Variants in MECOM observed in about 807,000 individuals in gnomAD.
MECOM encodes the protein MDS1 and EVI1 complex locus, also known as histone-lysine N-methyltransferase MECOM.
Under a neutral mutation model 116.3 loss-of-function variants are expected in MECOM, and 13 were observed. That is an observed-to-expected ratio of 0.11 (90% CI 0.07 to 0.18). The LOEUF is 0.18. Ranked by LOEUF, MECOM falls within the 10% of genes least tolerant of loss-of-function variation. The pLI is 1.00. For synonymous variants in MECOM, 528 were observed against 535.2 expected (o/e 0.99, Z 0.19); for missense variants, 1,299 against 1,509.0 (o/e 0.86, Z 2.31).
intron 2 of MECOM, among the ~76,000 whole-genome samples, chr3:169,168,337 C>CTTTTTTTTTTTTTT (rs1166736467): frequency 2.8e-5 from 3 of 108,464 alleles, no homozygotes; most frequent in Admixed American, 9.6e-5. Context: ...ACTTGGCCTG[C>CTTTTTTTTTTTTTT]TTTTTTTTTT....
At chr3:169,242,311 C>CT (rs948101508) in intron 2 of MECOM, among the ~76,000 whole-genome samples, 1 of 152,128 alleles carries the variant, frequency 6.6e-6, no homozygotes, top group Non-Finnish European at 1.5e-5. Context: ...GTCCTGGTTT[C>CT]TTTTTGAACA....
At chr3:169,346,759 G>A (rs1197116180) in intron 2 of MECOM, among the ~76,000 whole-genome samples, 1 of 152,040 alleles carries the variant, frequency 6.6e-6, no homozygotes, top group Non-Finnish European at 1.5e-5. Flanking sequence ...ATGCTGGTGT[G>A]TAAGAGTGGG....
At chr3:169,349,352 G>A (rs1725913680) in intron 2 of MECOM, among the ~76,000 whole-genome samples, 1 of 151,728 alleles carries the variant, frequency 6.6e-6, no homozygotes, top group Non-Finnish European at 1.5e-5. Flanking sequence ...TACAAACCTC[G>A]TCTAGTCGGT....
chr3:169,636,883 C>G (rs1339338618), intron 1 of MECOM, among the ~76,000 whole-genome samples: 1 of 152,176 alleles, frequency 6.6e-6, no homozygotes, highest in Non-Finnish European at 1.5e-5. Context: ...GCCTAACACT[C>G]TAGACTGTGA....
chr3:169,423,654 A>T (rs947303313), intron 1 of MECOM, among the ~76,000 whole-genome samples: 9 of 152,264 alleles, frequency 5.9e-5, no homozygotes, highest in African/African-American at 2.2e-4. Flanking sequence ...TTTTCCTAAT[A>T]AGATGCCTTA....
chr3:169,355,119 A>G (rs1207693723), intron 2 of MECOM, among the ~76,000 whole-genome samples: 1 of 151,994 alleles, frequency 6.6e-6, no homozygotes, highest in African/African-American at 2.4e-5. Flanking sequence ...GGCTCACAAT[A>G]GATCTGAGCA....
chr3:169,614,820 C>T (rs920173766), intron 1 of MECOM: 1 of 152,198 alleles, frequency 6.6e-6, no homozygotes, highest in Non-Finnish European at 1.5e-5. Context: ...GCCCACACAC[C>T]CAGTTAAGCT....
rs796548693 is a variant in MECOM at position 169,497,348 on chromosome 3, CT to C, written c.38-115825del. Among the ~76,000 whole-genome samples the C allele has an allele frequency of 2.0e-4, 28 of 138,020 alleles. 1 individual carries two copies. The highest frequency in any genetic ancestry group is 1.3e-3 in the South Asian group (6 of 4,506). 90.5% of individuals were successfully genotyped at this position (138,020 alleles called of 152,430 possible). Reference sequence around the variant, plus strand: ...CTTCAATTTTTCTCTTTTTCTTTTTCTTTTTTTTTTCTTTTGAGATGGAGTC... The same window carrying C: ...CTTCAATTTTTCTCTTTTTCTTTTTCTTTTTTTTTCTTTTGAGATGGAGTC... On this transcript the variant is annotated intron_variant, in intron 1 of 16. Transcript: ENST00000651503.
intron 10 of MECOM, among the ~76,000 whole-genome samples, chr3:169,105,189 T>C (rs1724965848): frequency 6.6e-6 from 1 of 152,180 alleles, no homozygotes; most frequent in Non-Finnish European, 1.5e-5. Flanking sequence ...ATGTGTGCTC[T>C]TATAGCAGTT....
At chr3:169,168,798 A>C (rs2149365292) in intron 2 of MECOM, among the ~76,000 whole-genome samples, 2 of 152,146 alleles carry the variant, frequency 1.3e-5, no homozygotes, top group South Asian at 2.1e-4. Flanking sequence ...CTAGGGGAAA[A>C]ATGCAAATTT....
At chr3:169,458,255 T>A (rs1171896155) in intron 1 of MECOM, among the ~76,000 whole-genome samples, 4 of 152,322 alleles carry the variant, frequency 2.6e-5, no homozygotes, top group African/African-American at 9.6e-5. Flanking sequence ...AAACCAAGAT[T>A]AATGGTATCC....
At position 169,433,675 on chromosome 3, in the gene MECOM, AAGAAAG is replaced by A. The variant is rs202050793; in HGVS notation, c.38-52157_38-52152del. Among the ~76,000 whole-genome samples, 3 of 148,028 alleles carry A rather than the reference AAGAAAG, an allele frequency of 2.0e-5. No homozygotes were observed. In the East Asian group the frequency reaches 6.1e-4, roughly 30 times the overall value. On this transcript the variant is annotated intron_variant, in intron 1 of 16. Coordinates refer to ENST00000651503, the MANE Select transcript of MECOM (RefSeq NM_004991.4). ...AAAGAAAGAAAGAAAGAAAGAAAGA[AAGAAAG>A]AAAGAAAGAGAAAGAAAGAAAAGAA...
chr3:169,378,492 A>G (rs1688707358), intron 2 of MECOM, among the ~76,000 whole-genome samples: 1 of 35,716 alleles, frequency 2.8e-5, no homozygotes, highest in East Asian at 6.5e-4. Flanking sequence ...AGAGAGAGAA[A>G]GAAAGAAAGA....
chr3:169,093,325 C>T (rs549563698), intron 13 of MECOM, among the ~76,000 whole-genome samples: 1 of 152,244 alleles, frequency 6.6e-6, no homozygotes, highest in Non-Finnish European at 1.5e-5. Flanking sequence ...TCATGAAGTA[C>T]AGTCTCGCAA....
chr3:169,235,306 AT>A (rs907669778), intron 2 of MECOM, among the ~76,000 whole-genome samples: 6 of 151,226 alleles, frequency 4.0e-5, no homozygotes, highest in South Asian at 4.2e-4. Context: ...CCTATCATTC[AT>A]TTTTTTTTAG....
chr3:169,609,361 T>C (rs1014300320), intron 1 of MECOM, among the ~76,000 whole-genome samples: 3 of 152,146 alleles, frequency 2.0e-5, no homozygotes, highest in African/African-American at 7.2e-5. Context: ...AAATGCATGA[T>C]GGAAAGTGAA....
chr3:169,179,801 T>C (rs141148754), intron 2 of MECOM, among the ~76,000 whole-genome samples: 2 of 152,280 alleles, frequency 1.3e-5, no homozygotes, highest in African/African-American at 2.4e-5. Flanking sequence ...AAAGGACATA[T>C]TATATTTCCT....
chr3:169,367,568 A>T (rs1292069295), intron 2 of MECOM, among the ~76,000 whole-genome samples: 1 of 152,020 alleles, frequency 6.6e-6, no homozygotes, highest in Non-Finnish European at 1.5e-5. Flanking sequence ...GGTATACAAG[A>T]TTGTGCAGTG....
intron 2 of MECOM, among the ~76,000 whole-genome samples, chr3:169,172,456 A>G (rs1402592570): frequency 6.9e-6 from 1 of 145,062 alleles, no homozygotes; most frequent in East Asian, 2.4e-4. Context: ...TACATATATA[A>G]AATTAAAGGC....
Sources: gnomAD v4.1 joint callset for allele counts (sites outside exome capture counted in the v4.1 genomes callset) on GRCh38, gnomAD v4.1.1 for gene constraint, MANE v1.5 for transcripts, NCBI Gene and HGNC (gene_info 2026-07-23, HGNC 2026-07-21) for gene names.